PPP3CB: variants seen among roughly 807,000 people sequenced by gnomAD.
PPP3CB encodes the protein protein phosphatase 3 catalytic subunit beta.
PPP3CB carries 8 observed loss-of-function variants against 66.4 expected under a neutral mutation model. The ratio of observed to expected loss-of-function variants is 0.12; its 90% CI spans 0.07 to 0.22. The LOEUF is 0.22. PPP3CB is among the 10% of genes least tolerant of loss of function. The probability of loss-of-function intolerance (pLI) is 1.00; values close to 1 mark genes in which losing one functional copy is unlikely to be tolerated. For missense variants in PPP3CB, 319 were observed against 642.5 expected (o/e 0.50, Z 5.44); for synonymous variants, 208 against 221.2 (o/e 0.94, Z 0.53).
rs374053450 is a variant in PPP3CB, at chr10:73,495,061, G to C, written c.85+744C>G. Among the ~76,000 whole-genome samples, 65 of 152,340 alleles carry C rather than the reference G, an allele frequency of 4.3e-4. No homozygotes were observed. In the South Asian group the frequency reaches 0.013, roughly 32 times the overall value. Reference sequence around the variant, plus strand: ...GAGAAACATTTAACTTTTTCGTCTAGGATGAATGTGTGGGTGTGTGTTTGT... The same window carrying C: ...GAGAAACATTTAACTTTTTCGTCTACGATGAATGTGTGGGTGTGTGTTTGT... On this transcript the variant is annotated intron_variant, in intron 1 of 13. Transcript: ENST00000360663.
In PPP3CB at chr10:73,467,471, T is replaced by C. The variant is rs534291629; in HGVS notation, c.1108+82A>G. 3.9e-5 allele frequency: 46 copies of C among 1,166,236 alleles called. No individual in the cohort carries two copies. In the South Asian group the frequency reaches 8.8e-4, roughly 22 times the overall value. 72.2% of individuals were successfully genotyped at this position (1,166,236 alleles called of 1,614,324 possible). On this transcript the variant is annotated intron_variant, in intron 9 of 13. Transcript: ENST00000360663. ...AGTGAAACTAGACTTTGGTTTCCTT[T>C]AGCAAGTATGTGCCTATGATAGTAA...
intron 1 of PPP3CB, among the ~76,000 whole-genome samples, chr10:73,493,631 C>T (rs549280130): frequency 1.8e-4 from 27 of 152,228 alleles, no homozygotes; most frequent in South Asian, 1.0e-3. Flanking sequence ...CTGTTACACA[C>T]CATTTTAAAA....
At chr10:73,457,260 G>GAAAAAAAAAAAA (rs35129439) in intron 9 of PPP3CB, among the ~76,000 whole-genome samples, 13 of 69,026 alleles carry the variant, frequency 1.9e-4, no homozygotes, top group South Asian at 9.7e-4. Context: ...CTCTAAAAAA[G>GAAAAAAAAAAAA]AAAAAAAAAA....
At chr10:73,479,553 C>A (rs1264441653) in intron 1 of PPP3CB, 36 bp from the exon 2 acceptor site, 1 of 1,567,818 alleles carries the variant, frequency 6.4e-7, no homozygotes, top group Non-Finnish European at 8.7e-7. Context: ...GATAAGTCAC[C>A]AAAAATACAT....
In PPP3CB at chr10:73,454,292, C is replaced by A. The variant is rs2056390344; in HGVS notation, c.1186+120G>T. 4 of 484,394 alleles carry A rather than the reference C, an allele frequency of 8.3e-6. No individual in the cohort carries two copies. In the East Asian group the frequency reaches 9.9e-5, roughly 12 times the overall value. 30.0% of individuals were successfully genotyped at this position (484,394 alleles called of 1,614,324 possible). On this transcript the variant is annotated intron_variant, in intron 10 of 13. Transcript: ENST00000360663. ...CCAAAAAAAGTAACTTGTTACTTAT[C>A]AAATAGCATAGTCTCTGAAAGCAAT...
intron 1 of PPP3CB, among the ~76,000 whole-genome samples, chr10:73,485,954 T>TA (rs1564569447): frequency 2.3e-5 from 2 of 87,834 alleles, no homozygotes; most frequent in Non-Finnish European, 2.3e-5. Flanking sequence ...GTGTGTGTAT[T>TA]TTTTTTTTTC....
At chr10:73,445,861 G>A (rs1329590060) in intron 11 of PPP3CB, among the ~76,000 whole-genome samples, 1 of 148,200 alleles carries the variant, frequency 6.7e-6, no homozygotes, top group Non-Finnish European at 1.5e-5. Context: ...TGATTCTCCT[G>A]CCTCAGCCTC....
chr10:73,489,379 A>T (rs1338609353), intron 1 of PPP3CB, among the ~76,000 whole-genome samples: 1 of 150,166 alleles, frequency 6.7e-6, no homozygotes, highest in Non-Finnish European at 1.5e-5. Flanking sequence ...AAAACAAGAT[A>T]CTGGGTCACT....
intron 1 of PPP3CB, among the ~76,000 whole-genome samples, chr10:73,492,550 G>A (rs866140797): frequency 6.6e-6 from 1 of 152,088 alleles, no homozygotes; most frequent in East Asian, 1.9e-4. Context: ...ATGCAGATAC[G>A]GTTAGATATT....
chr10:73,447,551 C>T (rs1034665449), intron 10 of PPP3CB, among the ~76,000 whole-genome samples: 1 of 152,130 alleles, frequency 6.6e-6, no homozygotes, highest in Non-Finnish European at 1.5e-5. Flanking sequence ...TAAGGAAAGG[C>T]TAAAGACACT....
At chr10:73,448,798 T>C in intron 10 of PPP3CB, 1 of 509,324 alleles carries the variant, frequency 2.0e-6, no homozygotes, top group Non-Finnish European at 4.0e-6. Context: ...AGAATGAATG[T>C]AGAAAGAGAG....
chr10:73,494,021 C>G (rs1320786926), intron 1 of PPP3CB, among the ~76,000 whole-genome samples: 1 of 152,182 alleles, frequency 6.6e-6, no homozygotes, highest in Non-Finnish European at 1.5e-5. Flanking sequence ...GTTACCCCAT[C>G]TAACAGTCTG....
At chr10:73,493,202 G>A (rs1389817301) in intron 1 of PPP3CB, among the ~76,000 whole-genome samples, 3 of 151,742 alleles carry the variant, frequency 2.0e-5, no homozygotes, top group Non-Finnish European at 2.9e-5. Flanking sequence ...CTTGAACCCA[G>A]GAGGCAGAGG....
intron 9 of PPP3CB, among the ~76,000 whole-genome samples, chr10:73,458,050 A>G (rs894503213): frequency 6.6e-6 from 1 of 152,246 alleles, no homozygotes; most frequent in Non-Finnish European, 1.5e-5. Flanking sequence ...TAGATACACT[A>G]AAAGCCTTGA....
intron 3 of PPP3CB, among the ~76,000 whole-genome samples, chr10:73,475,359 T>C (rs2056769641): frequency 6.6e-6 from 1 of 152,212 alleles, no homozygotes; most frequent in Admixed American, 6.5e-5. Context: ...TATTAGTAAA[T>C]AATACTGTCA....
intron 9 of PPP3CB, among the ~76,000 whole-genome samples, chr10:73,462,949 C>CAAAAAA (rs10569079): frequency 1.7e-5 from 1 of 58,786 alleles, no homozygotes; most frequent in Non-Finnish European, 2.8e-5. Context: ...GACTCTGTCT[C>CAAAAAA]AAAAAAAAAA....
At chr10:73,443,037 A>G (rs1231212369) in intron 12 of PPP3CB, among the ~76,000 whole-genome samples, 1 of 151,338 alleles carries the variant, frequency 6.6e-6, no homozygotes, top group Non-Finnish European at 1.5e-5. Context: ...AAAAAATAAA[A>G]AAAATAAAAA....
chr10:73,485,128 C>G (rs537364137), intron 1 of PPP3CB, among the ~76,000 whole-genome samples: 9 of 152,152 alleles, frequency 5.9e-5, no homozygotes, highest in Non-Finnish European at 1.2e-4. Context: ...TGGTAACATT[C>G]ATTTTGACCA....
At chr10:73,467,479 A>C in intron 9 of PPP3CB, 74 bp downstream of exon 9, 1 of 1,213,484 alleles carries the variant, frequency 8.2e-7, no homozygotes, top group Non-Finnish European at 1.1e-6. Flanking sequence ...TTTAGCAAGT[A>C]TGTGCCTATG....
Sources: allele counts gnomAD v4.1 joint callset (sites outside exome capture counted in the v4.1 genomes callset), GRCh38; gene constraint gnomAD v4.1.1; transcripts MANE v1.5; gene names NCBI Gene and HGNC (gene_info 2026-07-23, HGNC 2026-07-21).